SRGAP1: variants seen among roughly 807,000 people sequenced by gnomAD.
SRGAP1 encodes SLIT-ROBO Rho GTPase-activating protein 1.
A neutral mutation model predicts 121.9 loss-of-function variants in SRGAP1; 43 were observed. The ratio of observed to expected loss-of-function variants is 0.35; its 90% CI spans 0.28 to 0.46. SRGAP1 has a LOEUF of 0.46. SRGAP1 is among the 20% of genes least tolerant of loss of function. SRGAP1 has a pLI of 1.00. For synonymous variants in SRGAP1, 447 were observed against 485.4 expected, an observed-to-expected ratio of 0.92 and a Z score of 1.04; for missense variants, 1,102 against 1,350.9, an observed-to-expected ratio of 0.82 and a Z score of 2.89.
At chr12:64,016,905 G>A (rs2034418095) in intron 3 of SRGAP1, 45 bp from the exon 4 acceptor site, 2 of 1,072,726 alleles carry the variant, frequency 1.9e-6, no homozygotes, top group Non-Finnish European at 2.7e-6. Context: ...GACTTTTTAA[G>A]ATGTAAATAA....
chr12:64,111,174 C>T (rs1376693389), intron 16 of SRGAP1, among the ~76,000 whole-genome samples: 1 of 152,260 alleles, frequency 6.6e-6, no homozygotes, highest in South Asian at 2.1e-4. Context: ...ACTGAGGATT[C>T]TTTTCCCCTT....
chr12:63,993,444 G>T (rs1353681108), intron 3 of SRGAP1, among the ~76,000 whole-genome samples: 3 of 152,166 alleles, frequency 2.0e-5, no homozygotes, highest in African/African-American at 7.2e-5. Context: ...GAAATTATTA[G>T]TGTGAATCTG....
intron 15 of SRGAP1, among the ~76,000 whole-genome samples, chr12:64,108,492 A>G (rs1047804749): frequency 6.6e-5 from 10 of 152,162 alleles, no homozygotes; most frequent in Admixed American, 3.9e-4. Flanking sequence ...GAGAAAGGAG[A>G]GATTCTAAAC....
At chr12:63,904,655 G>A (rs2030113556) in intron 1 of SRGAP1, among the ~76,000 whole-genome samples, 1 of 152,126 alleles carries the variant, frequency 6.6e-6, no homozygotes, top group African/African-American at 2.4e-5. Flanking sequence ...GTATGGCTGG[G>A]TGCAGTGGCT....
At chr12:63,949,087 C>CCATATATGTACATT (rs2032178238) in intron 1 of SRGAP1, among the ~76,000 whole-genome samples, 1 of 90,832 alleles carries the variant, frequency 1.1e-5, no homozygotes, top group African/African-American at 3.6e-5. Flanking sequence ...TATGTATTTT[C>CCATATATGTACATT]CATATATGTA....
chr12:63,857,593 A>G (rs1316647185), intron 1 of SRGAP1, among the ~76,000 whole-genome samples: 1 of 151,940 alleles, frequency 6.6e-6, no homozygotes, highest in Non-Finnish European at 1.5e-5. Flanking sequence ...CATGTTGGCC[A>G]GGCTGATCTC....
chr12:63,968,837 C>T (rs1335956912), intron 1 of SRGAP1, among the ~76,000 whole-genome samples: 5 of 152,224 alleles, frequency 3.3e-5, no homozygotes, highest in Non-Finnish European at 4.4e-5. Context: ...CTGCAGACTG[C>T]TCGCTTGCCT....
At chr12:64,059,607 A>C (rs906706125) in intron 6 of SRGAP1, among the ~76,000 whole-genome samples, 1 of 152,194 alleles carries the variant, frequency 6.6e-6, no homozygotes, top group African/African-American at 2.4e-5. Flanking sequence ...ACATCTAAAA[A>C]AAAAGGTCAT....
chr12:64,060,705 T>G (rs1232291496), intron 6 of SRGAP1, among the ~76,000 whole-genome samples: 3 of 152,216 alleles, frequency 2.0e-5, no homozygotes, highest in Admixed American at 2.0e-4. Flanking sequence ...AGGGTGGAAT[T>G]AAACAGGTTC....
intron 8 of SRGAP1, among the ~76,000 whole-genome samples, chr12:64,075,265 T>C (rs1177403107): frequency 6.6e-6 from 1 of 152,224 alleles, no homozygotes; most frequent in Non-Finnish European, 1.5e-5. Context: ...AAGGAATAGG[T>C]TGGGCTAGTT....
At chr12:63,983,600 AC>A (rs1318310640) in intron 1 of SRGAP1, 7 of 151,376 alleles carry the variant, frequency 4.6e-5, no homozygotes, top group African/African-American at 1.7e-4. Flanking sequence ...TGTAATCCCA[AC>A]ATTTTGGGAG....
Position 64,150,148 on chromosome 12 carries a change from G to A in SRGAP1, c.*7476G>A, listed in dbSNP as rs928900394. ...CACATGTGCTTGTGTGCATGTGCAC[G>A]TGTGTGGGTGGGAGGGTGCGGAGGG... On this transcript the variant is annotated 3_prime_UTR_variant, in exon 22 of 22. Transcript: ENST00000355086. 4.0e-5 allele frequency: 6 copies of A among 151,388 alleles called. No homozygotes were observed. The highest frequency in any genetic ancestry group is 7.4e-5 in the Non-Finnish European group (5 of 67,916). 9.4% of individuals were successfully genotyped at this position (151,388 alleles called of 1,614,324 possible).
At chr12:63,912,882 T>C (rs904038545) in intron 1 of SRGAP1, among the ~76,000 whole-genome samples, 3 of 152,108 alleles carry the variant, frequency 2.0e-5, no homozygotes, top group African/African-American at 7.2e-5. Flanking sequence ...ATAATATTAA[T>C]AAGCTCCACC....
At chr12:63,973,197 T>G (rs2136394456) in intron 1 of SRGAP1, among the ~76,000 whole-genome samples, 1 of 152,320 alleles carries the variant, frequency 6.6e-6, no homozygotes, top group African/African-American at 2.4e-5. Context: ...CCTTGGCACC[T>G]AAACTGTTAT....
At position 64,080,227 on chromosome 12, in the gene SRGAP1, G is replaced by C. The variant is rs1300791401; in HGVS notation, c.1324-59G>C. The C allele has an allele frequency of 5.6e-6, 8 of 1,441,398 alleles. No homozygotes were observed. The South Asian group carries it at 1.1e-4, about 19-fold the overall frequency. The allele number at this position is 1,441,398 out of a possible 1,614,324, so 89.3% of individuals were successfully genotyped here. On this transcript the variant is annotated intron_variant, in intron 9 of 21. Coordinates refer to ENST00000355086, the MANE Select transcript of SRGAP1 (RefSeq NM_020762.4). ...CACTGCACTCCAGCCTGGGTGACAA[G>C]AATGAAACTCTGTCTCAAAAAAAAA...
At chr12:64,076,129 C>T (rs1377007190) in intron 8 of SRGAP1, among the ~76,000 whole-genome samples, 2 of 152,162 alleles carry the variant, frequency 1.3e-5, no homozygotes, top group East Asian at 3.9e-4. Context: ...ATTAGTGCCC[C>T]TAATGGTTTG....
At chr12:64,086,742 ACAC>A (rs2035949659) in intron 10 of SRGAP1, among the ~76,000 whole-genome samples, 1 of 140,604 alleles carries the variant, frequency 7.1e-6, no homozygotes, top group Non-Finnish European at 1.6e-5. Flanking sequence ...AAAAAAAAAA[ACAC>A]AGCCTCAAAT....
intron 15 of SRGAP1, among the ~76,000 whole-genome samples, chr12:64,103,673 T>TA: frequency 6.6e-6 from 1 of 152,328 alleles, no homozygotes; most frequent in South Asian, 2.1e-4. Flanking sequence ...CCTTTATCCT[T>TA]AAAAATATTT....
intron 1 of SRGAP1, among the ~76,000 whole-genome samples, chr12:63,981,448 T>G (rs1409443896): frequency 6.6e-6 from 1 of 152,238 alleles, no homozygotes; most frequent in African/African-American, 2.4e-5. Context: ...AGCAAGATGT[T>G]CTAAAATTAC....
Sources: gnomAD v4.1 joint callset for allele counts (sites outside exome capture counted in the v4.1 genomes callset) on GRCh38, gnomAD v4.1.1 for gene constraint, MANE v1.5 for transcripts, NCBI Gene and HGNC (gene_info 2026-07-23, HGNC 2026-07-21) for gene names.